Variants in NR6A1 observed in about 807,000 individuals in gnomAD.
The protein encoded by NR6A1 is retinoic acid receptor-related testis-associated receptor.
A neutral mutation model predicts 59.1 loss-of-function variants in NR6A1; 7 were observed. That is an observed-to-expected ratio of 0.12 (90% CI 0.07 to 0.22). The LOEUF is 0.22. Ranked by LOEUF, NR6A1 falls within the 10% of genes least tolerant of loss-of-function variation. The probability of loss-of-function intolerance (pLI) is 1.00; values close to 1 mark genes in which losing one functional copy is unlikely to be tolerated. For missense variants in NR6A1, 468 were observed against 611.6 expected (o/e 0.77, Z 2.48); for synonymous variants, 243 against 236.1 (o/e 1.03, Z -0.27).
chr9:124,575,162 T>G (rs1443537419), intron 2 of NR6A1, among the ~76,000 whole-genome samples: 1 of 152,142 alleles, frequency 6.6e-6, no homozygotes, highest in Non-Finnish European at 1.5e-5. Flanking sequence ...TCATACAAAA[T>G]TGGTGAGGAT....
intron 2 of NR6A1, among the ~76,000 whole-genome samples, chr9:124,696,888 C>T (rs1048469196): frequency 2.0e-5 from 3 of 152,164 alleles, no homozygotes. Flanking sequence ...AAACTCCTGA[C>T]CTCAAGTGAT....
rs1832778968 is a variant in NR6A1 at position 124,520,532 on chromosome 9, C to T, written c.*2173G>A. 1 of 152,238 alleles carries T rather than the reference C, an allele frequency of 6.6e-6. No homozygotes were observed. The highest frequency in any genetic ancestry group is 2.4e-5 in the African/African-American group (1 of 41,464). 9.4% of individuals were successfully genotyped at this position (152,238 alleles called of 1,614,324 possible). A position where few individuals can be genotyped will look rare whatever the true frequency, so the allele number is the denominator to read the frequency against. ...CTCATCAGAGAGCAATTTCTTTTGACACCCAACACAACGGGTAAAATGTTT... is the reference window on the plus strand; with the variant it reads ...CTCATCAGAGAGCAATTTCTTTTGATACCCAACACAACGGGTAAAATGTTT... On this transcript the variant is annotated 3_prime_UTR_variant, in exon 10 of 10. Coordinates refer to ENST00000487099, the MANE Select transcript of NR6A1 (RefSeq NM_033334.4).
At chr9:124,556,949 A>T (rs889082371) in intron 2 of NR6A1, among the ~76,000 whole-genome samples, 4 of 152,032 alleles carry the variant, frequency 2.6e-5, no homozygotes, top group Admixed American at 2.0e-4. Context: ...GTACTCACAG[A>T]CAAGTACATA....
chr9:124,571,063 C>G (rs578165341), intron 2 of NR6A1, among the ~76,000 whole-genome samples: 7 of 152,098 alleles, frequency 4.6e-5, no homozygotes, highest in Non-Finnish European at 7.4e-5. Flanking sequence ...TAGCAAGAGA[C>G]GATGTAGTGG....
At chr9:124,533,890 C>A (rs868068940) in intron 7 of NR6A1, among the ~76,000 whole-genome samples, 1 of 152,040 alleles carries the variant, frequency 6.6e-6, no homozygotes, top group African/African-American at 2.4e-5. Context: ...ACCTCGTGAT[C>A]TGCCTGCCTC....
chr9:124,712,387 C>T (rs1839302854), intron 2 of NR6A1, among the ~76,000 whole-genome samples: 1 of 151,944 alleles, frequency 6.6e-6, no homozygotes, highest in Non-Finnish European at 1.5e-5. Flanking sequence ...GGCAAGGGGA[C>T]CACTTGAGGC....
intron 2 of NR6A1, among the ~76,000 whole-genome samples, chr9:124,684,775 T>C (rs1363780581): frequency 1.3e-5 from 2 of 152,152 alleles, no homozygotes; most frequent in Non-Finnish European, 2.9e-5. Flanking sequence ...TTTACAGCTA[T>C]TTCTCATTTC....
intron 1 of NR6A1, among the ~76,000 whole-genome samples, chr9:124,742,971 T>C (rs1034423167): frequency 4.6e-5 from 7 of 152,234 alleles, no homozygotes; most frequent in Non-Finnish European, 1.0e-4. Context: ...CTTTAGATTC[T>C]AGAAACTTCC....
At chr9:124,585,077 GGCAAA>G (rs1285466058) in intron 2 of NR6A1, among the ~76,000 whole-genome samples, 1 of 152,180 alleles carries the variant, frequency 6.6e-6, no homozygotes, top group Non-Finnish European at 1.5e-5. Flanking sequence ...ATTCTGGAAA[GGCAAA>G]CCAATCACAA....
intron 2 of NR6A1, among the ~76,000 whole-genome samples, chr9:124,604,017 G>A (rs900976243): frequency 2.6e-5 from 4 of 152,202 alleles, no homozygotes; most frequent in African/African-American, 9.7e-5. Context: ...TCTAAGGATA[G>A]GCATAGGTAA....
At chr9:124,697,688 A>C (rs955553373) in intron 2 of NR6A1, among the ~76,000 whole-genome samples, 6 of 152,186 alleles carry the variant, frequency 3.9e-5, no homozygotes, top group Non-Finnish European at 8.8e-5. Context: ...AAAAAAAAAA[A>C]AACAGATTAC....
At chr9:124,766,395 T>C (rs1219502302) in intron 1 of NR6A1, among the ~76,000 whole-genome samples, 2 of 152,248 alleles carry the variant, frequency 1.3e-5, no homozygotes, top group African/African-American at 4.8e-5. Flanking sequence ...ACTACTTATG[T>C]GGGCAGATTA....
intron 1 of NR6A1, among the ~76,000 whole-genome samples, chr9:124,735,031 G>C (rs1402598361): frequency 6.6e-6 from 1 of 152,174 alleles, no homozygotes; most frequent in East Asian, 1.9e-4. Flanking sequence ...TTCTAGTAGA[G>C]ACAGGTTTCA....
intron 2 of NR6A1, among the ~76,000 whole-genome samples, chr9:124,557,850 G>A (rs1374270977): frequency 1.3e-5 from 2 of 152,122 alleles, no homozygotes; most frequent in Non-Finnish European, 2.9e-5. Context: ...GTAAACCAGA[G>A]CCTTATTAGA....
At chr9:124,668,457 T>C (rs1837694662) in intron 2 of NR6A1, among the ~76,000 whole-genome samples, 1 of 152,320 alleles carries the variant, frequency 6.6e-6, no homozygotes, top group East Asian at 1.9e-4. Flanking sequence ...TCAACTGTAC[T>C]AGGAGTTTTT....
At chr9:124,642,135 G>T (rs1431911825) in intron 2 of NR6A1, among the ~76,000 whole-genome samples, 1 of 152,046 alleles carries the variant, frequency 6.6e-6, no homozygotes, top group African/African-American at 2.4e-5. Context: ...TGCAACCTCT[G>T]CCTCCTGGGT....
chr9:124,761,254 G>T (rs1359203235), intron 1 of NR6A1, among the ~76,000 whole-genome samples: 1 of 152,120 alleles, frequency 6.6e-6, no homozygotes, highest in East Asian at 1.9e-4. Context: ...GTTTTCAAAG[G>T]TACATTACAT....
At chr9:124,691,275 A>C (rs1227020549) in intron 2 of NR6A1, among the ~76,000 whole-genome samples, 3 of 152,210 alleles carry the variant, frequency 2.0e-5, no homozygotes, top group Admixed American at 1.3e-4. Context: ...TATAGAAGGT[A>C]AACAGTTTAC....
At chr9:124,626,241 A>G (rs1395392611) in intron 2 of NR6A1, among the ~76,000 whole-genome samples, 1 of 152,096 alleles carries the variant, frequency 6.6e-6, no homozygotes, top group Non-Finnish European at 1.5e-5. Flanking sequence ...CCTGACCTCA[A>G]GTGATCTGCC....
Sources: allele counts gnomAD v4.1 joint callset (sites outside exome capture counted in the v4.1 genomes callset), GRCh38; gene constraint gnomAD v4.1.1; transcripts MANE v1.5; gene names NCBI Gene and HGNC (gene_info 2026-07-23, HGNC 2026-07-21).